ADK: variants seen among roughly 807,000 people sequenced by gnomAD.
ADK encodes adenosine kinase.
Under a neutral mutation model 44.7 loss-of-function variants are expected in ADK, and 24 were observed. The ratio of observed to expected loss-of-function variants is 0.54; its 90% CI spans 0.39 to 0.76. The LOEUF (loss-of-function observed/expected upper bound fraction) is 0.76, where lower values mean the gene tolerates loss of function less well. Ranked by LOEUF, ADK falls within the 30% of genes least tolerant of loss-of-function variation. The pLI, the probability that ADK is intolerant of heterozygous loss-of-function variation, is 0.00. For missense variants in ADK, 321 were observed against 425.1 expected (o/e 0.76, Z 2.15); for synonymous variants, 128 against 142.6 (o/e 0.90, Z 0.73).
chr10:74,548,782 G>A (rs371559220), intron 7 of ADK, among the ~76,000 whole-genome samples: 1 of 152,190 alleles, frequency 6.6e-6, no homozygotes, highest in African/African-American at 2.4e-5. Context: ...TCTGTACACT[G>A]TAGTCACTCA....
chr10:74,551,859 T>C (rs1157202544), intron 7 of ADK, among the ~76,000 whole-genome samples: 2 of 152,168 alleles, frequency 1.3e-5, no homozygotes, highest in African/African-American at 4.8e-5. Context: ...ATACACAGGA[T>C]ACCAGTATTC....
chr10:74,169,137 C>T (rs1048204902), intron 1 of ADK, among the ~76,000 whole-genome samples: 6 of 151,780 alleles, frequency 4.0e-5, no homozygotes, highest in African/African-American at 7.3e-5. Context: ...GAGGATTGCT[C>T]GAGCCTGGGA....
chr10:74,699,496 G>A (rs543695543), intron 10 of ADK, among the ~76,000 whole-genome samples: 198 of 152,184 alleles, frequency 1.3e-3, no homozygotes, highest in Middle Eastern at 6.8e-3. Context: ...TGGCCAACAT[G>A]GTGAAACCCG....
In ADK at chr10:74,464,756, G is replaced by A. The variant is rs140672351; in HGVS notation, c.556-60500G>A. 3.0e-3 allele frequency among the ~76,000 whole-genome samples: 456 copies of A among 152,214 alleles called. 1 individual carries two copies. The highest frequency in any genetic ancestry group is 7.7e-3 in the South Asian group (37 of 4,824). ...CCAACATTTTTGGAAGCCACGATGG[G>A]TGGGTTACTTGAGCTCAACAGTTTG... On this transcript the variant is annotated intron_variant, in intron 6 of 10. Transcript: ENST00000539909.
rs193070523 is a variant in ADK, at chr10:74,291,273, C to T, written c.195-23394C>T. On this transcript the variant is annotated intron_variant, in intron 3 of 10. Transcript: ENST00000539909. The stretch of plus-strand genomic sequence containing the variant: ...CTAATAAAAAATACAAAAAATTAGC[C>T]GGGTGTGGTGGCAGGCACCTGTAGT... 3.0e-3 allele frequency among the ~76,000 whole-genome samples: 463 copies of T among 152,032 alleles called. 2 individuals are homozygous for T. Among genetic ancestry groups the T allele is most frequent in the Non-Finnish European group, 5.0e-3 (343 of 67,968 alleles).
At chr10:74,458,044 G>C (rs1275411366) in intron 6 of ADK, among the ~76,000 whole-genome samples, 2 of 142,060 alleles carry the variant, frequency 1.4e-5, no homozygotes, top group African/African-American at 5.2e-5. Flanking sequence ...ATTTTAAAAA[G>C]AAAAAGATTG....
chr10:74,567,951 A>G (rs576748438), intron 7 of ADK, among the ~76,000 whole-genome samples: 1 of 152,122 alleles, frequency 6.6e-6, no homozygotes, highest in Non-Finnish European at 1.5e-5. Flanking sequence ...CGCCCGCCTC[A>G]GCTTCCCAAA....
intron 4 of ADK, among the ~76,000 whole-genome samples, chr10:74,334,140 C>G (rs1485150159): frequency 6.6e-6 from 1 of 152,100 alleles, no homozygotes; most frequent in Non-Finnish European, 1.5e-5. Context: ...AAAACTTTCC[C>G]TGTGTCCCCT....
At chr10:74,342,561 C>G (rs1841615322) in intron 4 of ADK, among the ~76,000 whole-genome samples, 1 of 152,212 alleles carries the variant, frequency 6.6e-6, no homozygotes, top group South Asian at 2.1e-4. Flanking sequence ...CAGCCACAAT[C>G]TCCTAGGCCC....
intron 3 of ADK, among the ~76,000 whole-genome samples, chr10:74,257,451 A>G (rs186779466): frequency 9.8e-5 from 15 of 152,350 alleles, no homozygotes; most frequent in Admixed American, 5.2e-4. Flanking sequence ...AATAATCTAT[A>G]TGTATGTTTT....
intron 7 of ADK, among the ~76,000 whole-genome samples, chr10:74,581,608 A>G (rs1383568100): frequency 6.6e-6 from 1 of 152,192 alleles, no homozygotes; most frequent in Non-Finnish European, 1.5e-5. Flanking sequence ...GAAAAGCTAC[A>G]CCAAGGAACA....
chr10:74,443,600 ACTAAT>A (rs1404595472), intron 6 of ADK, among the ~76,000 whole-genome samples: 3 of 152,198 alleles, frequency 2.0e-5, no homozygotes, highest in South Asian at 4.1e-4. Flanking sequence ...GAGTTAGACA[ACTAAT>A]CTAAAATTGA....
At chr10:74,297,923 G>A (rs1405315785) in intron 3 of ADK, among the ~76,000 whole-genome samples, 1 of 152,020 alleles carries the variant, frequency 6.6e-6, no homozygotes, top group Non-Finnish European at 1.5e-5. Flanking sequence ...TCTCAGTAAT[G>A]CAGTTATAAT....
chr10:74,649,580 G>T (rs1564835990), intron 9 of ADK, among the ~76,000 whole-genome samples: 1 of 151,594 alleles, frequency 6.6e-6, no homozygotes, highest in Non-Finnish European at 1.5e-5. Context: ...AGTCTTGATT[G>T]CACCACTGTA....
intron 3 of ADK, among the ~76,000 whole-genome samples, chr10:74,229,890 G>T (rs1000027748): frequency 8.6e-5 from 13 of 151,958 alleles, no homozygotes; most frequent in Non-Finnish European, 1.6e-4. Context: ...GTTAACAAAA[G>T]TAGCCGGATG....
At chr10:74,342,023 G>A (rs1413793795) in intron 4 of ADK, among the ~76,000 whole-genome samples, 3 of 151,996 alleles carry the variant, frequency 2.0e-5, no homozygotes. Flanking sequence ...TGAAAAAAAA[G>A]CTTTATTGAG....
chr10:74,197,193 CA>C (rs1843186278), intron 1 of ADK, among the ~76,000 whole-genome samples: 1 of 152,066 alleles, frequency 6.6e-6, no homozygotes, highest in Admixed American at 6.5e-5. Flanking sequence ...CAATTCCACC[CA>C]AATTCCATTC....
At chr10:74,574,826 T>C (rs551976228) in intron 7 of ADK, among the ~76,000 whole-genome samples, 88 of 152,308 alleles carry the variant, frequency 5.8e-4, no homozygotes, top group Non-Finnish European at 1.0e-3. Context: ...TTAATGCATA[T>C]GAGTAGAAAA....
In ADK at chr10:74,201,704, C is replaced by G. The variant is rs541252105; in HGVS notation, c.140+866C>G. Among the ~76,000 whole-genome samples the G allele has an allele frequency of 3.0e-3, 448 of 150,240 alleles. 6 individuals are homozygous for G. Among genetic ancestry groups the G allele is most frequent in the African/African-American group, 0.01 (406 of 40,340 alleles). On this transcript the variant is annotated intron_variant, in intron 2 of 10. Transcript: ENST00000539909. ...TCTATCTATCTATCTATCTATCTAT[C>G]TATCTATCTATCTATCTATCTATCT...
Sources: allele counts gnomAD v4.1 joint callset (sites outside exome capture counted in the v4.1 genomes callset), GRCh38; gene constraint gnomAD v4.1.1; transcripts MANE v1.5; gene names NCBI Gene and HGNC (gene_info 2026-07-23, HGNC 2026-07-21).